Variants in FANCC observed in about 807,000 individuals in gnomAD.
The protein encoded by FANCC is FA complementation group C, also known as Fanconi anemia group C protein.
Under a neutral mutation model 71.3 loss-of-function variants are expected in FANCC, and 55 were observed. That is an observed-to-expected ratio of 0.77 (90% CI 0.62 to 0.97). The LOEUF (loss-of-function observed/expected upper bound fraction) is 0.97. Among genes scored for constraint, FANCC ranks in the 50% least tolerant of loss-of-function variants. FANCC has a pLI of 0.00. For missense variants in FANCC, 678 were observed against 670.9 expected (o/e 1.01, Z -0.12); for synonymous variants, 275 against 244.9 (o/e 1.12, Z -1.15).
rs868517055 is a variant in FANCC, at chr9:95,111,767, G to A, written c.1155-130C>T. The A allele has an allele frequency of 5.0e-5, 52 of 1,033,868 alleles. No homozygotes were observed. The South Asian group carries it at 6.3e-4, about 12-fold the overall frequency. The allele number at this position is 1,033,868 out of a possible 1,614,324, so 64.0% of individuals were successfully genotyped here. On this transcript the variant is annotated intron_variant, in intron 12 of 14. Coordinates refer to ENST00000289081, the MANE Select transcript of FANCC (RefSeq NM_000136.3). ...TATCCACTGAAGTGCAACCTGCAAG[G>A]AATACAATTTAGATTCAGAAAGCCT...
chr9:95,216,537 T>C (rs1001108597), intron 4 of FANCC, among the ~76,000 whole-genome samples: 7 of 152,220 alleles, frequency 4.6e-5, no homozygotes, highest in African/African-American at 1.7e-4. Context: ...TTTTCAATGA[T>C]ATTTGTACAG....
At chr9:95,257,472 T>C (rs766467028) in intron 1 of FANCC, among the ~76,000 whole-genome samples, 1 of 152,216 alleles carries the variant, frequency 6.6e-6, no homozygotes, top group Non-Finnish European at 1.5e-5. Context: ...AAAGAAGTTA[T>C]TTGAAACCAA....
intron 4 of FANCC, among the ~76,000 whole-genome samples, chr9:95,191,917 G>A (rs1022824559): frequency 3.3e-5 from 5 of 151,884 alleles, no homozygotes; most frequent in East Asian, 3.9e-4. Context: ...CTCCAGTCTC[G>A]TTTTTCTCAT....
At chr9:95,174,834 C>A (rs1037070015) in intron 4 of FANCC, among the ~76,000 whole-genome samples, 41 of 151,808 alleles carry the variant, frequency 2.7e-4, no homozygotes, top group Admixed American at 3.3e-4. Context: ...CTCCATAGAC[C>A]CGGGACGACA....
At chr9:95,255,406 C>G (rs1831602287) in intron 1 of FANCC, among the ~76,000 whole-genome samples, 1 of 152,140 alleles carries the variant, frequency 6.6e-6, no homozygotes, top group African/African-American at 2.4e-5. Flanking sequence ...TGGTGATACC[C>G]AGGCAAACAG....
intron 7 of FANCC, among the ~76,000 whole-genome samples, chr9:95,141,985 G>GA (rs1292821840): frequency 1.2e-5 from 1 of 83,138 alleles, no homozygotes. Context: ...AGTTTGTGGG[G>GA]TTTTTTTTTT....
chr9:95,260,743 G>A (rs191784118), intron 1 of FANCC, among the ~76,000 whole-genome samples: 52 of 150,936 alleles, frequency 3.4e-4, no homozygotes, highest in Non-Finnish European at 5.8e-4. Context: ...CACCCCACAG[G>A]CAAAGAAAAA....
chr9:95,260,821 T>C (rs886483719), intron 1 of FANCC, among the ~76,000 whole-genome samples: 2 of 152,182 alleles, frequency 1.3e-5, no homozygotes, highest in Non-Finnish European at 2.9e-5. Flanking sequence ...CAACAAAATT[T>C]TGCAAATTGT....
chr9:95,113,392 C>G (rs1463868395), intron 12 of FANCC, among the ~76,000 whole-genome samples: 1 of 152,156 alleles, frequency 6.6e-6, no homozygotes, highest in South Asian at 2.1e-4. Context: ...AAATTATACT[C>G]TGAAAGAGGA....
intron 1 of FANCC, among the ~76,000 whole-genome samples, chr9:95,250,468 G>A (rs1295060289): frequency 1.3e-5 from 2 of 152,106 alleles, no homozygotes; most frequent in African/African-American, 4.8e-5. Context: ...AATCTAGATC[G>A]GGAAAGTTTT....
Position 95,291,488 on chromosome 9 carries a change from C to CA in FANCC, c.-79+26037dup, listed in dbSNP as rs546724666. ...AAGCAATCCCATTTACAATACCTGC[C>CA]AAAAAAAAAGAAATAAAATACTTAG... On this transcript the variant is annotated intron_variant, in intron 1 of 14. Coordinates refer to ENST00000289081, the MANE Select transcript of FANCC (RefSeq NM_000136.3). Among the ~76,000 whole-genome samples, 116 of 146,782 alleles carry CA rather than the reference C, an allele frequency of 7.9e-4. 1 individual carries two copies. Among genetic ancestry groups the CA allele is most frequent in the African/African-American group, 1.7e-3 (66 of 39,888 alleles).
chr9:95,246,615 C>A (rs1425571396), intron 3 of FANCC, among the ~76,000 whole-genome samples: 1 of 152,128 alleles, frequency 6.6e-6, no homozygotes, highest in African/African-American at 2.4e-5. Context: ...TTCCTGTTCT[C>A]GAGAGGCATG....
At chr9:95,151,709 C>T (rs1241811490) in intron 6 of FANCC, among the ~76,000 whole-genome samples, 2 of 152,128 alleles carry the variant, frequency 1.3e-5, no homozygotes, top group Non-Finnish European at 2.9e-5. Flanking sequence ...AGGCAGATCG[C>T]TTGATCCCAG....
chr9:95,123,725 T>G, intron 10 of FANCC: 1 of 691,368 alleles, frequency 1.4e-6, no homozygotes, highest in South Asian at 1.4e-5. Flanking sequence ...CAAGCTGTAT[T>G]TGAAGCTACA....
intron 1 of FANCC, among the ~76,000 whole-genome samples, chr9:95,255,721 C>T (rs1446702647): frequency 2.6e-5 from 4 of 151,934 alleles, no homozygotes; most frequent in Admixed American, 2.6e-4. Flanking sequence ...CAGAAGTAGG[C>T]TTCAGAAGGT....
chr9:95,152,361 AAG>A (rs1830223713), intron 6 of FANCC, among the ~76,000 whole-genome samples: 2 of 152,210 alleles, frequency 1.3e-5, no homozygotes, highest in Admixed American at 6.5e-5. Context: ...ATTTACCAAG[AAG>A]GTGATATGTG....
chr9:95,265,008 T>G, intron 1 of FANCC, among the ~76,000 whole-genome samples: 1 of 147,808 alleles, frequency 6.8e-6, no homozygotes, highest in East Asian at 2.0e-4. Context: ...AAAGTCACAA[T>G]AAAAGATTCT....
chr9:95,300,996 C>T (rs546391060), intron 1 of FANCC, among the ~76,000 whole-genome samples: 100 of 151,982 alleles, frequency 6.6e-4, no homozygotes, highest in Non-Finnish European at 1.3e-3. Flanking sequence ...TGAGAGTGGG[C>T]TCTTTCTATG....
intron 6 of FANCC, among the ~76,000 whole-genome samples, chr9:95,157,747 T>G (rs1026518044): frequency 5.9e-5 from 9 of 152,344 alleles, no homozygotes; most frequent in African/African-American, 1.7e-4. Flanking sequence ...GAAGGCTGCG[T>G]GCACCTTGAA....
Sources: gnomAD v4.1 joint callset for allele counts (sites outside exome capture counted in the v4.1 genomes callset) on GRCh38, gnomAD v4.1.1 for gene constraint, MANE v1.5 for transcripts, NCBI Gene and HGNC (gene_info 2026-07-23, HGNC 2026-07-21) for gene names.